The following KCTD16 variants were observed in gnomAD, a reference collection of about 807,000 sequenced individuals.
The protein encoded by KCTD16 is BTB/POZ domain-containing protein KCTD16.
Under a neutral mutation model 33.2 loss-of-function variants are expected in KCTD16, and 13 were observed. The ratio of observed to expected loss-of-function variants is 0.39; its 90% CI spans 0.25 to 0.62. The LOEUF (loss-of-function observed/expected upper bound fraction) is 0.62. KCTD16 is among the 20% of genes least tolerant of loss of function. The pLI is 0.50. For missense variants in KCTD16, 441 were observed against 525.1 expected, an observed-to-expected ratio of 0.84 and a Z score of 1.57; for synonymous variants, 197 against 195.3, an observed-to-expected ratio of 1.01 and a Z score of -0.07.
At position 144,259,585 on chromosome 5, in the gene KCTD16, G is replaced by A. The variant is rs185607376; in HGVS notation, c.832+52039G>A. Reference sequence around the variant, plus strand: ...CTCAGACGAGTGGCTAAAGAAATGGGTGTTTCCATTTGTTTGGATTCATCC... The same window carrying A: ...CTCAGACGAGTGGCTAAAGAAATGGATGTTTCCATTTGTTTGGATTCATCC... On this transcript the variant is annotated intron_variant, in intron 3 of 3. Coordinates refer to ENST00000512467, the MANE Select transcript of KCTD16 (RefSeq NM_020768.4). 1.5e-3 allele frequency among the ~76,000 whole-genome samples: 227 copies of A among 152,328 alleles called. 1 individual carries two copies. Among genetic ancestry groups the A allele is most frequent in the African/African-American group, 5.1e-3 (213 of 41,580 alleles).
intron 3 of KCTD16, among the ~76,000 whole-genome samples, chr5:144,227,682 G>C (rs1248340646): frequency 6.6e-6 from 1 of 152,204 alleles, no homozygotes; most frequent in Non-Finnish European, 1.5e-5. Context: ...AAGGGAAGAA[G>C]TGTGGCAATC....
intron 3 of KCTD16, among the ~76,000 whole-genome samples, chr5:144,399,743 A>G (rs1241024824): frequency 1.3e-5 from 2 of 152,156 alleles, no homozygotes; most frequent in Admixed American, 6.5e-5. Flanking sequence ...TGATATTCTT[A>G]CACTCATCTC....
intron 3 of KCTD16, among the ~76,000 whole-genome samples, chr5:144,388,896 G>A (rs754226793): frequency 6.6e-6 from 1 of 152,126 alleles, no homozygotes; most frequent in African/African-American, 2.4e-5. Flanking sequence ...TAAAATATAT[G>A]TACATATATG....
intron 3 of KCTD16, among the ~76,000 whole-genome samples, chr5:144,351,574 A>T (rs182456947): frequency 6.5e-4 from 99 of 152,338 alleles, no homozygotes; most frequent in African/African-American, 2.1e-3. Flanking sequence ...AGGACGTGAA[A>T]TCAGTAAGTG....
At chr5:144,227,750 G>A (rs555316533) in intron 3 of KCTD16, among the ~76,000 whole-genome samples, 99 of 152,276 alleles carry the variant, frequency 6.5e-4, no homozygotes, top group African/African-American at 2.2e-3. Flanking sequence ...AGAGAAGGTC[G>A]ATAGGAGTGG....
intron 2 of KCTD16, among the ~76,000 whole-genome samples, chr5:144,187,572 CA>C (rs1165658168): frequency 1.3e-5 from 2 of 152,144 alleles, no homozygotes; most frequent in African/African-American, 4.8e-5. Context: ...GAAGCATATA[CA>C]GAGGAAAATA....
chr5:144,389,641 C>T lies in KCTD16; in HGVS notation c.833-84019C>T, dbSNP rs75828803. ...CTCAATAAATGCAACACACTTGAAT[C>T]ATCCTGAAACCATCCCCACCTGGCC... On this transcript the variant is annotated intron_variant, in intron 3 of 3. Coordinates refer to ENST00000512467, the MANE Select transcript of KCTD16 (RefSeq NM_020768.4). Among the ~76,000 whole-genome samples, 713 of 144,930 alleles carry T rather than the reference C, an allele frequency of 4.9e-3. 10 individuals carry two copies. The highest frequency in any genetic ancestry group is 0.018 in the African/African-American group (684 of 38,646).
intron 3 of KCTD16, among the ~76,000 whole-genome samples, chr5:144,395,269 T>C (rs975958567): frequency 2.0e-5 from 3 of 152,204 alleles, no homozygotes; most frequent in Non-Finnish European, 2.9e-5. Flanking sequence ...CGATTTCTTT[T>C]TTCACAGATA....
intron 3 of KCTD16, chr5:144,385,446 T>A (rs1269216663): frequency 6.6e-6 from 1 of 152,218 alleles, no homozygotes; most frequent in African/African-American, 2.4e-5. Context: ...CACATCCACT[T>A]CTACTTCTTC....
chr5:144,294,289 T>C (rs73312766), intron 3 of KCTD16, among the ~76,000 whole-genome samples: 12,990 of 152,260 alleles, frequency 0.085, 1,364 homozygotes, highest in African/African-American at 0.24. Flanking sequence ...TCAAAACACA[T>C]TTTAATGAAT....
At chr5:144,215,666 T>A (rs918793826) in intron 3 of KCTD16, among the ~76,000 whole-genome samples, 1 of 152,226 alleles carries the variant, frequency 6.6e-6, no homozygotes, top group African/African-American at 2.4e-5. Context: ...GATAATTAAA[T>A]GGGTTGATAT....
Position 144,463,556 on chromosome 5 carries a change from A to C in KCTD16, c.833-10104A>C, listed in dbSNP as rs1034263878. ...GATGAAGAAGCTGCAAGTTACCAGC[A>C]GAGCTCATTCCTGTTTCTTTGATTC... On this transcript the variant is annotated intron_variant, in intron 3 of 3. Coordinates refer to ENST00000512467, the MANE Select transcript of KCTD16 (RefSeq NM_020768.4). Among the ~76,000 whole-genome samples the C allele has an allele frequency of 3.3e-5, 5 of 152,212 alleles. No individual in the cohort carries two copies. The East Asian group carries it at 9.6e-4, about 29-fold the overall frequency.
At chr5:144,322,519 A>G (rs2126885424) in intron 3 of KCTD16, among the ~76,000 whole-genome samples, 1 of 151,854 alleles carries the variant, frequency 6.6e-6, no homozygotes, top group African/African-American at 2.4e-5. Flanking sequence ...ACAAACAAAC[A>G]AACAAAAAAA....
intron 3 of KCTD16, among the ~76,000 whole-genome samples, chr5:144,284,653 G>C (rs879717367): frequency 6.6e-6 from 1 of 151,986 alleles, no homozygotes; most frequent in African/African-American, 2.4e-5. Context: ...GCTATATTTT[G>C]TTACTTATAA....
Position 144,485,211 on chromosome 5 carries a change from T to A in KCTD16, c.*11097T>A, listed in dbSNP as rs1754780260. ...TGATAGAAAATGCTACTACTAATTG[T>A]CCCAATGGAATTGCACATCATTTTG... On this transcript the variant is annotated 3_prime_UTR_variant, in exon 4 of 4. Transcript: ENST00000512467. 6.6e-6 allele frequency: 1 copy of A among 151,864 alleles called. No individual in the cohort carries two copies. The allele number at this position is 151,864 out of a possible 1,614,324, so 9.4% of individuals were successfully genotyped here.
chr5:144,207,164 C>G lies in KCTD16; in HGVS notation c.450C>G (p.Ile150Met), dbSNP rs750638083. ...EDASQGSDTR[I>M]CPPSSLLPAD... ...CCTCCCAAGGAAGCGACACAAGAAT[C>G]TGCCCCCCTTCCTCCCTGCTCCCTG... The change falls in exon 3 of 4, where the codon ATC becomes ATG. Residue 150 changes from isoleucine (I) to methionine (M), a missense_variant. Around this residue, in one of 3 missense-constraint regions of KCTD16, gnomAD observed 355 missense variants for 413.0 expected, o/e 0.86. Coordinates refer to ENST00000512467, the MANE Select transcript of KCTD16 (RefSeq NM_020768.4). The G allele has an allele frequency of 1.9e-6, 3 of 1,612,620 alleles. No homozygotes were observed. Among genetic ancestry groups the G allele is most frequent in the African/African-American group, 1.3e-5 (1 of 74,950 alleles).
At chr5:144,439,279 C>G (rs1454206464) in intron 3 of KCTD16, 1 of 420,132 alleles carries the variant, frequency 2.4e-6, no homozygotes, top group Non-Finnish European at 4.6e-6. Flanking sequence ...GTCATGTTGC[C>G]CAAGGACATA....
chr5:144,248,129 A>T (rs1004869091), intron 3 of KCTD16, among the ~76,000 whole-genome samples: 1 of 152,232 alleles, frequency 6.6e-6, no homozygotes, highest in African/African-American at 2.4e-5. Flanking sequence ...AAATAATCAA[A>T]ATATACAGTA....
intron 3 of KCTD16, among the ~76,000 whole-genome samples, chr5:144,257,943 A>T (rs1033044591): frequency 3.7e-4 from 56 of 152,208 alleles, no homozygotes; most frequent in African/African-American, 1.3e-3. Context: ...TTTTTCGATA[A>T]GTTATAAGGA....
Sources: allele counts gnomAD v4.1 joint callset (sites outside exome capture counted in the v4.1 genomes callset), GRCh38; gene constraint gnomAD v4.1.1; regional missense constraint gnomAD v4.1.1; transcripts MANE v1.5; gene names NCBI Gene and HGNC (gene_info 2026-07-23, HGNC 2026-07-21).